The following TANC2 variants were observed in gnomAD, a reference collection of about 807,000 sequenced individuals.
TANC2 encodes tetratricopeptide repeat, ankyrin repeat and coiled-coil containing 2, also known as protein TANC2.
In TANC2, 26 loss-of-function variants were observed where a neutral mutation model predicts 210.5. The observed-to-expected ratio is 0.12, with a 90% CI of 0.09 to 0.17. TANC2 has a LOEUF of 0.17. Among genes scored for constraint, TANC2 ranks in the 10% least tolerant of loss-of-function variants. The probability of loss-of-function intolerance (pLI) is 1.00; values close to 1 mark genes in which losing one functional copy is unlikely to be tolerated. For synonymous variants in TANC2, 931 were observed against 967.1 expected (o/e 0.96, Z 0.69); for missense variants, 2,129 against 2,608.9 (o/e 0.82, Z 4.01).
intron 7 of TANC2, among the ~76,000 whole-genome samples, chr17:63,229,006 CG>C (rs2042399932): frequency 2.0e-5 from 3 of 152,164 alleles, no homozygotes; most frequent in South Asian, 4.2e-4. Flanking sequence ...TGTCTTGTGC[CG>C]GTTTTCAAGG....
rs544672581 is a variant in TANC2, at chr17:63,289,358, G to T, written c.1159+21485G>T. Among the ~76,000 whole-genome samples the T allele has an allele frequency of 5.9e-4, 90 of 151,404 alleles. No individual in the cohort carries two copies. The South Asian group carries it at 0.018, about 31-fold the overall frequency. Reference sequence around the variant, plus strand: ...CACAGTCATTGGATATTTTATTCTGGGTTTTTTTCAGTCTTCGTTCTCTTC... The same window carrying T: ...CACAGTCATTGGATATTTTATTCTGTGTTTTTTTCAGTCTTCGTTCTCTTC... On this transcript the variant is annotated intron_variant, in intron 9 of 27. Coordinates refer to ENST00000689528, the Ensembl canonical transcript of TANC2.
intron 1 of TANC2, among the ~76,000 whole-genome samples, chr17:62,971,919 A>G (rs2031719124): frequency 1.3e-5 from 2 of 152,208 alleles, no homozygotes; most frequent in Non-Finnish European, 2.9e-5. Context: ...CCCTCTGGAA[A>G]AATTGTCTGG....
At chr17:63,377,855 T>TA (rs754910650) in intron 14 of TANC2, among the ~76,000 whole-genome samples, 1 of 152,174 alleles carries the variant, frequency 6.6e-6, no homozygotes, top group Non-Finnish European at 1.5e-5. Context: ...TCAGGAAACT[T>TA]ATCATGGCAG....
At chr17:63,222,346 A>G (rs1041639831) in intron 7 of TANC2, among the ~76,000 whole-genome samples, 1 of 152,238 alleles carries the variant, frequency 6.6e-6, no homozygotes, top group Non-Finnish European at 1.5e-5. Context: ...GATGCCATCA[A>G]ACTAGCAAAT....
intron 11 of TANC2, chr17:63,331,950 C>T: frequency 4.0e-6 from 1 of 250,832 alleles, no homozygotes; most frequent in Non-Finnish European, 7.8e-6. Context: ...CAGTTCCAGC[C>T]GTTAAATACA....
intron 2 of TANC2, among the ~76,000 whole-genome samples, chr17:63,049,523 A>G (rs572285134): frequency 1.3e-5 from 2 of 152,136 alleles, no homozygotes; most frequent in Admixed American, 1.3e-4. Context: ...ATATTCTTAG[A>G]GTGTTTAAAG....
intron 2 of TANC2, among the ~76,000 whole-genome samples, chr17:63,061,562 CAT>C: frequency 6.6e-6 from 1 of 151,802 alleles, no homozygotes; most frequent in Non-Finnish European, 1.5e-5. Context: ...TTTATCCTTC[CAT>C]GTATATATGT....
intron 4 of TANC2, among the ~76,000 whole-genome samples, chr17:63,099,679 G>T (rs752353846): frequency 6.6e-6 from 1 of 152,250 alleles, no homozygotes; most frequent in South Asian, 2.1e-4. Context: ...TTCATGTCAG[G>T]TTAACAGATG....
intron 14 of TANC2, among the ~76,000 whole-genome samples, chr17:63,358,529 C>T (rs2046857247): frequency 6.6e-6 from 1 of 152,110 alleles, no homozygotes; most frequent in Non-Finnish European, 1.5e-5. Context: ...CCACCTCATT[C>T]TGCTCTCTGT....
At chr17:63,021,766 A>G (rs1027483702) in intron 2 of TANC2, among the ~76,000 whole-genome samples, 2 of 152,236 alleles carry the variant, frequency 1.3e-5, no homozygotes, top group African/African-American at 4.8e-5. Flanking sequence ...CAGGCTAGAA[A>G]AAGCCTGTAT....
At chr17:63,403,657 G>A (rs35772724) in intron 19 of TANC2, among the ~76,000 whole-genome samples, 1,624 of 152,270 alleles carry the variant, frequency 0.011, 18 homozygotes, top group Non-Finnish European at 0.019. Context: ...CCTCCCGTAA[G>A]GAACTGAAAA....
intron 3 of TANC2, among the ~76,000 whole-genome samples, chr17:63,085,737 GCATA>G (rs2036939417): frequency 6.6e-6 from 1 of 152,006 alleles, no homozygotes; most frequent in African/African-American, 2.4e-5. Context: ...GCACACACAA[GCATA>G]CATAATCAAA....
chr17:63,169,455 T>C (rs1045161697), intron 5 of TANC2, among the ~76,000 whole-genome samples: 1 of 152,168 alleles, frequency 6.6e-6, no homozygotes, highest in Non-Finnish European at 1.5e-5. Context: ...AGGCAGTACC[T>C]CCATTCTAAA....
chr17:63,093,478 T>C (rs1361144083), intron 3 of TANC2, among the ~76,000 whole-genome samples: 1 of 152,166 alleles, frequency 6.6e-6, no homozygotes, highest in African/African-American at 2.4e-5. Flanking sequence ...TTGTGTCCAT[T>C]GTTTTTCTAA....
At chr17:63,422,815 C>T (rs1179773059) in exon 28 of TANC2, 1 of 152,186 alleles carries the variant, frequency 6.6e-6, no homozygotes, top group African/African-American at 2.4e-5. Context: ...AAAGATTGTT[C>T]TGGATTCTCA....
chr17:63,332,775 G>A (rs2045900496), intron 11 of TANC2, among the ~76,000 whole-genome samples: 1 of 152,168 alleles, frequency 6.6e-6, no homozygotes, highest in South Asian at 2.1e-4. Context: ...ACTCTTGTTA[G>A]GGACTAATGT....
intron 2 of TANC2, among the ~76,000 whole-genome samples, chr17:63,011,239 GTGTT>G (rs947128604): frequency 2.0e-5 from 3 of 151,786 alleles, no homozygotes; most frequent in African/African-American, 4.8e-5. Flanking sequence ...GTGTGTGTGT[GTGTT>G]TTTTTTACTA....
At chr17:63,261,817 A>G (rs756100637) in intron 8 of TANC2, among the ~76,000 whole-genome samples, 5 of 152,238 alleles carry the variant, frequency 3.3e-5, no homozygotes, top group Admixed American at 6.5e-5. Context: ...CATTTTCAGC[A>G]CAACAAACTC....
intron 11 of TANC2, among the ~76,000 whole-genome samples, chr17:63,328,790 G>A (rs1027322027): frequency 6.6e-6 from 1 of 151,946 alleles, no homozygotes; most frequent in South Asian, 2.1e-4. Context: ...ACTTTTAAGT[G>A]TTTCACCATA....
Sources: gnomAD v4.1 joint callset for allele counts (sites outside exome capture counted in the v4.1 genomes callset) on GRCh38, gnomAD v4.1.1 for gene constraint, MANE v1.5 for transcripts, NCBI Gene and HGNC (gene_info 2026-07-23, HGNC 2026-07-21) for gene names.